Variants in HPSE2 observed in about 807,000 individuals in gnomAD.
The protein encoded by HPSE2 is heparanase 2 (inactive).
A neutral mutation model predicts 60.5 loss-of-function variants in HPSE2; 38 were observed. The ratio of observed to expected loss-of-function variants is 0.63; its 90% CI spans 0.48 to 0.82. The LOEUF (loss-of-function observed/expected upper bound fraction) is 0.82, where lower values mean the gene tolerates loss of function less well. HPSE2 is among the 40% of genes least tolerant of loss of function. The pLI is 0.00. For missense variants in HPSE2, 713 were observed against 740.4 expected (o/e 0.96, Z 0.43); for synonymous variants, 295 against 293.2 (o/e 1.01, Z -0.06).
At chr10:99,171,827 A>C (rs1438341611) in intron 2 of HPSE2, among the ~76,000 whole-genome samples, 4 of 152,144 alleles carry the variant, frequency 2.6e-5, no homozygotes, top group African/African-American at 9.7e-5. Context: ...CTAAAAAAAA[A>C]AACTTAACCT....
chr10:98,709,334 T>A (rs552612156), intron 5 of HPSE2, among the ~76,000 whole-genome samples: 1 of 152,346 alleles, frequency 6.6e-6, no homozygotes, highest in Non-Finnish European at 1.5e-5. Flanking sequence ...TTCACTTCCA[T>A]TCTAATCCCT....
Position 98,749,947 on chromosome 10 carries a change from T to TATATATATATATATATATATATACATAC in HPSE2, c.611-5892_611-5891insGTATGTATATATATATATATATATATAT. ...ATTAAACACTATATATATATATATA[T>TATATATATATATATATATATATACATAC]ACACACACACTTACACACACATTTA... On this transcript the variant is annotated intron_variant, in intron 3 of 11. Coordinates refer to ENST00000370552, the MANE Select transcript of HPSE2 (RefSeq NM_021828.5). Among the ~76,000 whole-genome samples, 8 of 98,482 alleles carry TATATATATATATATATATATATACATAC rather than the reference T, an allele frequency of 8.1e-5. No homozygotes were observed. In the Admixed American group the frequency reaches 9.1e-4, roughly 11 times the overall value. 64.6% of individuals were successfully genotyped at this position (98,482 alleles called of 152,430 possible).
chr10:99,060,156 G>A (rs184342818), intron 3 of HPSE2, among the ~76,000 whole-genome samples: 27 of 151,856 alleles, frequency 1.8e-4, no homozygotes, highest in African/African-American at 5.6e-4. Flanking sequence ...AATAACAAAA[G>A]ACATAAGAAA....
rs10717237 is a variant in HPSE2 at position 98,849,016 on chromosome 10, C to CAA, written c.611-104962_611-104961dup. ...AACGCCCACAGTCGAGTGGGAAAGACAAAAAAAAAAAAATTATAATTTCAT... is the reference window on the plus strand; with the variant it reads ...AACGCCCACAGTCGAGTGGGAAAGACAAAAAAAAAAAAAAATTATAATTTCAT... On this transcript the variant is annotated intron_variant, in intron 3 of 11. Coordinates refer to ENST00000370552, the MANE Select transcript of HPSE2 (RefSeq NM_021828.5). 5.1e-3 allele frequency among the ~76,000 whole-genome samples: 722 copies of CAA among 140,462 alleles called. 9 individuals are homozygous for CAA. Among genetic ancestry groups the CAA allele is most frequent in the African/African-American group, 0.017 (673 of 39,088 alleles). The allele number at this position is 140,462 out of a possible 152,430, so 92.1% of individuals were successfully genotyped here.
chr10:99,198,927 C>T lies in HPSE2; in HGVS notation c.448+33421G>A, dbSNP rs77486485. On this transcript the variant is annotated intron_variant, in intron 2 of 11. Coordinates refer to ENST00000370552, the MANE Select transcript of HPSE2 (RefSeq NM_021828.5). Reference sequence around the variant, plus strand: ...GACTATCTCAAATACTTCATATAAGCGAGATCATGCAATATTTGTCCTTCT... The same window carrying T: ...GACTATCTCAAATACTTCATATAAGTGAGATCATGCAATATTTGTCCTTCT... Among the ~76,000 whole-genome samples the T allele has an allele frequency of 2.6e-4, 39 of 152,166 alleles. No homozygotes were observed. The East Asian group carries it at 3.7e-3, about 14-fold the overall frequency.
At position 98,620,671 on chromosome 10, in the gene HPSE2, A is replaced by G. The variant is rs1163768877; in HGVS notation, c.1136T>C (p.Leu379Pro). ...AGCTGAGGTGGTCACCACACCTTCA[A>G]GCCAAATCTTCTTTCCTGGAGTGTA... is the stretch of plus-strand genomic sequence containing the variant. ...NTYTPGKKIW[L>P]EGVVTTSAGG... The change falls in exon 8 of 12, where the codon CTT (leucine) becomes CCT (proline). Residue 379 changes from leucine to proline, a missense_variant. By Grantham distance (98) the Leu-to-Pro change is moderately conservative. Transcript: ENST00000370552. 6.2e-7 allele frequency: 1 copy of G among 1,614,092 alleles called. No individual in the cohort carries two copies. The highest frequency in any genetic ancestry group is 1.1e-5 in the South Asian group (1 of 91,054).
chr10:99,037,417 AG>A lies in HPSE2; in HGVS notation c.610+106820del, dbSNP rs111477308. 2.4e-3 allele frequency among the ~76,000 whole-genome samples: 371 copies of A among 152,254 alleles called. 1 individual carries two copies. Among genetic ancestry groups the A allele is most frequent in the African/African-American group, 8.7e-3 (362 of 41,576 alleles). On this transcript the variant is annotated intron_variant, in intron 3 of 11. Transcript: ENST00000370552. Reference sequence around the variant, plus strand: ...AAGCTGGTGACACATATATGTAAAGAGTACTATCTTAGCAACTCTAAGTATA... The same window carrying A: ...AAGCTGGTGACACATATATGTAAAGATACTATCTTAGCAACTCTAAGTATA...
intron 3 of HPSE2, among the ~76,000 whole-genome samples, chr10:99,015,052 A>C (rs1278792072): frequency 6.6e-6 from 1 of 152,180 alleles, no homozygotes; most frequent in Non-Finnish European, 1.5e-5. Flanking sequence ...ATGCAGCCAA[A>C]AGACACATGA....
intron 3 of HPSE2, among the ~76,000 whole-genome samples, chr10:98,979,201 C>G (rs760816023): frequency 1.3e-5 from 2 of 152,120 alleles, no homozygotes; most frequent in Non-Finnish European, 2.9e-5. Flanking sequence ...AACCTTCCTT[C>G]AGGCACGAGC....
At chr10:98,625,272 A>G (rs1263310888) in intron 7 of HPSE2, among the ~76,000 whole-genome samples, 4 of 152,244 alleles carry the variant, frequency 2.6e-5, no homozygotes, top group African/African-American at 9.6e-5. Flanking sequence ...CAGGAAAAAC[A>G]TAAAATGAAA....
At chr10:98,507,435 T>C (rs886275453) in intron 9 of HPSE2, among the ~76,000 whole-genome samples, 2 of 152,222 alleles carry the variant, frequency 1.3e-5, no homozygotes, top group African/African-American at 2.4e-5. Flanking sequence ...TGAATTGTTT[T>C]ACCCAAAGAG....
chr10:99,064,997 T>C (rs1195877549), intron 3 of HPSE2, among the ~76,000 whole-genome samples: 1 of 152,212 alleles, frequency 6.6e-6, no homozygotes, highest in Non-Finnish European at 1.5e-5. Flanking sequence ...GACATTAATA[T>C]TATTCCTAGA....
chr10:98,498,367 C>T (rs1291805384), intron 9 of HPSE2, among the ~76,000 whole-genome samples: 3 of 152,138 alleles, frequency 2.0e-5, no homozygotes, highest in African/African-American at 7.2e-5. Flanking sequence ...GGTAGACTTG[C>T]TGGGTGGCTA....
At chr10:98,692,703 A>T (rs1040242000) in intron 6 of HPSE2, among the ~76,000 whole-genome samples, 2 of 152,108 alleles carry the variant, frequency 1.3e-5, no homozygotes, top group African/African-American at 4.8e-5. Context: ...CAGGAGGTGG[A>T]GCTTGCAGTG....
At chr10:98,550,277 T>C (rs776449122) in intron 9 of HPSE2, among the ~76,000 whole-genome samples, 63 of 128,110 alleles carry the variant, frequency 4.9e-4, no homozygotes, top group Non-Finnish European at 8.3e-4. Flanking sequence ...TCCATCCTTA[T>C]TAATGCTTAG....
At chr10:99,004,861 T>C (rs950252548) in intron 3 of HPSE2, among the ~76,000 whole-genome samples, 8 of 152,176 alleles carry the variant, frequency 5.3e-5, no homozygotes, top group Non-Finnish European at 4.4e-5. Context: ...CTTTTATTTG[T>C]CTGAGAAAGT....
intron 2 of HPSE2, among the ~76,000 whole-genome samples, chr10:99,152,281 G>C (rs1287299267): frequency 2.0e-5 from 3 of 148,706 alleles, no homozygotes; most frequent in East Asian, 2.0e-4. Flanking sequence ...ACTGCACTTC[G>C]GCCTGGACAA....
chr10:98,642,998 A>T (rs562687763), intron 6 of HPSE2, among the ~76,000 whole-genome samples: 1 of 152,350 alleles, frequency 6.6e-6, no homozygotes, highest in African/African-American at 2.4e-5. Context: ...GTTAATTTTT[A>T]AATTTTTGTT....
the HPSE2 span, among the ~76,000 whole-genome samples, chr10:99,285,938 T>G: frequency 3.3e-5 from 5 of 152,136 alleles, no homozygotes; most frequent in South Asian, 6.2e-4. Context: ...ATTATATATA[T>G]ATACACACAC....
Sources: gnomAD v4.1 joint callset for allele counts (sites outside exome capture counted in the v4.1 genomes callset) on GRCh38, gnomAD v4.1.1 for gene constraint, MANE v1.5 for transcripts, NCBI Gene and HGNC (gene_info 2026-07-23, HGNC 2026-07-21) for gene names.